Variants in SCUBE3 observed in about 807,000 individuals in gnomAD.
SCUBE3 encodes signal peptide, CUB and EGF-like domain-containing protein 3.
In SCUBE3, 33 loss-of-function variants were observed where a neutral mutation model predicts 116.8. The ratio of observed to expected loss-of-function variants is 0.28; its 90% CI spans 0.21 to 0.38. The LOEUF (loss-of-function observed/expected upper bound fraction) is 0.38, where lower values mean the gene tolerates loss of function less well. Among genes scored for constraint, SCUBE3 ranks in the 10% least tolerant of loss-of-function variants. SCUBE3 has a pLI of 1.00. For missense variants in SCUBE3, 1,007 were observed against 1,324.8 expected, an observed-to-expected ratio of 0.76 and a Z score of 3.72; for synonymous variants, 418 against 496.9, an observed-to-expected ratio of 0.84 and a Z score of 2.11.
rs1207603230 is a variant in SCUBE3, at chr6:35,241,713, G to GC, written c.1312+56dup. 95 of 1,508,332 alleles carry GC rather than the reference G, an allele frequency of 6.3e-5. No individual in the cohort carries two copies. Among genetic ancestry groups the GC allele is most frequent in the Admixed American group, 3.3e-5 (2 of 59,864 alleles). The allele number at this position is 1,508,332 out of a possible 1,614,324, so 93.4% of individuals were successfully genotyped here. A position where few individuals can be genotyped will look rare whatever the true frequency, so the allele number is the denominator to read the frequency against. ...TTGGAGGAGAAAAGAGGAAGGACTG[G>GC]CCGTTCAGGCAGCTCCTTCATTCCC... On this transcript the variant is annotated intron_variant, in intron 11 of 21. Transcript: ENST00000274938. The surrounding 1 kb of genome is among the most constrained non-coding windows in gnomAD (Gnocchi z 4.1).
At chr6:35,237,274 T>A (rs947509124) in intron 6 of SCUBE3, among the ~76,000 whole-genome samples, 2 of 151,906 alleles carry the variant, frequency 1.3e-5, no homozygotes, top group Admixed American at 1.3e-4. Context: ...TTGGGAGGAG[T>A]TGAAGGTAGA....
chr6:35,232,743 C>A lies in SCUBE3; in HGVS notation c.470-107C>A. ...TCAGTCCCCTCGTGTTGAATTCAAC[C>A]TCAGTAGAATTCTCCCAGTTCCCTA... On this transcript the variant is annotated intron_variant, in intron 4 of 21. Coordinates refer to ENST00000274938, the MANE Select transcript of SCUBE3 (RefSeq NM_152753.4). The surrounding 1 kb of genome is among the most constrained non-coding windows in gnomAD (Gnocchi z 4.2). 1.8e-6 allele frequency: 2 copies of A among 1,120,668 alleles called. No homozygotes were observed. Among genetic ancestry groups the A allele is most frequent in the Non-Finnish European group, 2.6e-6 (2 of 757,482 alleles). 69.4% of individuals were successfully genotyped at this position (1,120,668 alleles called of 1,614,324 possible). A position where few individuals can be genotyped will look rare whatever the true frequency, so the allele number is the denominator to read the frequency against.
At position 35,244,158 on chromosome 6, in the gene SCUBE3, G is replaced by A. The variant is rs1581951080; in HGVS notation, c.2239+28G>A. The A allele has an allele frequency of 1.9e-6, 3 of 1,595,838 alleles. No homozygotes were observed. The highest frequency in any genetic ancestry group is 2.6e-6 in the Non-Finnish European group (3 of 1,167,782). ...GAGTAAGCTACTCACCTCCCTGGGG[G>A]ATGCCCCAACCCCAACTACTCCCAA... On this transcript the variant is annotated intron_variant, in intron 17 of 21. Transcript: ENST00000274938. This position sits in a 1 kb window ranked among gnomAD's most constrained non-coding sequence, Gnocchi z 4.3.
rs758668784 is a variant in SCUBE3, at chr6:35,245,432, G to A, written c.2599+7G>A. 17 of 1,613,144 alleles carry A rather than the reference G, an allele frequency of 1.1e-5. No homozygotes were observed. The highest frequency in any genetic ancestry group is 1.4e-5 in the Non-Finnish European group (16 of 1,179,258). On this transcript the variant is annotated splice_region_variant and intron_variant, in intron 19 of 21. Coordinates refer to ENST00000274938, the MANE Select transcript of SCUBE3 (RefSeq NM_152753.4). The surrounding 1 kb of genome is among the most constrained non-coding windows in gnomAD (Gnocchi z 4.2). ...CTCGTCATGAGAAAGAACTGTGGGT[G>A]GCTTGCAGAGCTGGGCCAGGGAAGG...
rs1169376680 is a variant in SCUBE3 at position 35,228,307 on chromosome 6, A to G, written c.209-307A>G. ...GGGACTTATTCAAAGTAACAAAATA[A>G]TACATGGGAGAAGATGTTCTTTGAT... On this transcript the variant is annotated intron_variant, in intron 2 of 21. Transcript: ENST00000274938. This position sits in a 1 kb window ranked among gnomAD's most constrained non-coding sequence, Gnocchi z 4.9. Among the ~76,000 whole-genome samples, 2 of 152,242 alleles carry G rather than the reference A, an allele frequency of 1.3e-5. No individual in the cohort carries two copies. The highest frequency in any genetic ancestry group is 3.8e-4 in the East Asian group (2 of 5,202).
intron 2 of SCUBE3, 69 bp downstream of exon 2, chr6:35,227,771 G>A: frequency 1.3e-6 from 2 of 1,534,232 alleles, no homozygotes; most frequent in Non-Finnish European, 1.8e-6. Flanking sequence ...ACTGCCCTCA[G>A]TTGGCCACTC....
rs747984910 is a variant in SCUBE3, at chr6:35,242,689, C to G, written c.1602C>G (p.Gly534=). 4.3e-6 allele frequency: 7 copies of G among 1,614,154 alleles called. No homozygotes were observed. The South Asian group carries it at 7.7e-5, about 18-fold the overall frequency. ...IHLKCDSSRK[G]KGRRARTPPG... ...TTAAGTGTGACTCCTCTCGGAAGGG[C>G]AAGGGCCGACGGGCCCGGACCCCTC... Residue 534 remains glycine, a synonymous_variant, in exon 14 of 22, where the codon GGC becomes GGG. Transcript: ENST00000274938.
Position 35,239,978 on chromosome 6 carries a change from C to G in SCUBE3, c.952+104C>G. 9.8e-7 allele frequency: 1 copy of G among 1,018,690 alleles called. No individual in the cohort carries two copies. The highest frequency in any genetic ancestry group is 3.2e-5 in the Admixed American group (1 of 30,968). The allele number at this position is 1,018,690 out of a possible 1,614,324, so 63.1% of individuals were successfully genotyped here. On this transcript the variant is annotated intron_variant, in intron 8 of 21. Transcript: ENST00000274938. The surrounding 1 kb of genome is among the most constrained non-coding windows in gnomAD (Gnocchi z 4.1). ...TCTTAGAAACTCAATAGATATCACA[C>G]AGAGTCTCTAGAGGCAGTGTCATCC... is the stretch of plus-strand genomic sequence containing the variant.
chr6:35,217,345 AG>A (rs1416907489), intron 1 of SCUBE3, among the ~76,000 whole-genome samples: 1 of 148,738 alleles, frequency 6.7e-6, no homozygotes, highest in Non-Finnish European at 1.5e-5. Context: ...CTCGGCCTCC[AG>A]GGAAACTTGT....
At position 35,244,113 on chromosome 6, in the gene SCUBE3, A is replaced by G; in HGVS notation, c.2222A>G (p.Gln741Arg). 6.2e-7 allele frequency: 1 copy of G among 1,613,854 alleles called. No homozygotes were observed. The highest frequency in any genetic ancestry group is 8.5e-7 in the Non-Finnish European group (1 of 1,179,858). The change falls in exon 17 of 22, where the codon CAA becomes CGA. Residue 741 changes from glutamine (Q) to arginine (R), a missense_variant. Gln to Arg is a conservative substitution (Grantham distance 43). Transcript: ENST00000274938. This position sits in a 1 kb window ranked among gnomAD's most constrained non-coding sequence, Gnocchi z 4.3. ...AAGCATGAAGGGGCCATTTCCTTCC[A>G]AGACTGTGACACCAAAGGTGAGTAA... is the stretch of plus-strand genomic sequence containing the variant. ...TTKHEGAISF[Q>R]DCDTKVQCSP...
At chr6:35,242,945 C>G in intron 14 of SCUBE3, 76 bp from the exon 15 acceptor site, 1 of 1,532,326 alleles carries the variant, frequency 6.5e-7, no homozygotes, top group Non-Finnish European at 9.0e-7. Flanking sequence ...CCTCCTAGCT[C>G]CCAGCTTTGC....
intron 6 of SCUBE3, among the ~76,000 whole-genome samples, chr6:35,234,379 G>A (rs1194064974): frequency 6.6e-6 from 1 of 152,126 alleles, no homozygotes; most frequent in African/African-American, 2.4e-5. Context: ...GACTTTCCAG[G>A]GACCTGTCCC....
chr6:35,243,677 G>A lies in SCUBE3; in HGVS notation c.1993G>A (p.Gly665Arg), dbSNP rs1444449294. ...AGCGGGCACCTTCCAGGAGAGAGAA[G>A]GGCAGCTCTCCTGCGACCTTTGCCC... ...CPAGTFQEREGQLSCDLCPGS... is the reference protein window; with the variant it reads ...CPAGTFQERERQLSCDLCPGS... Residue 665 changes from glycine to arginine, a missense_variant, in exon 16 of 22, where the codon GGG becomes AGG. Gly to Arg is a moderately radical substitution (Grantham distance 125, BLOSUM62 -2). Coordinates refer to ENST00000274938, the MANE Select transcript of SCUBE3 (RefSeq NM_152753.4). This position sits in a 1 kb window ranked among gnomAD's most constrained non-coding sequence, Gnocchi z 6.6. The A allele has an allele frequency of 2.5e-6, 4 of 1,613,984 alleles. No individual in the cohort carries two copies. The highest frequency in any genetic ancestry group is 3.4e-6 in the Non-Finnish European group (4 of 1,179,852).
In SCUBE3 at chr6:35,241,441, C is replaced by G; in HGVS notation, c.1196-102C>G. On this transcript the variant is annotated intron_variant, in intron 10 of 21. Coordinates refer to ENST00000274938, the MANE Select transcript of SCUBE3 (RefSeq NM_152753.4). The surrounding 1 kb of genome is among the most constrained non-coding windows in gnomAD (Gnocchi z 4.1). ...TAGTAAACAATCCCATCATCAGTCTCCATGGGTACAACAATAGTTATGCAA... is the reference window on the plus strand; with the variant it reads ...TAGTAAACAATCCCATCATCAGTCTGCATGGGTACAACAATAGTTATGCAA... 1 of 1,109,430 alleles carries G rather than the reference C, an allele frequency of 9.0e-7. No individual in the cohort carries two copies. Among genetic ancestry groups the G allele is most frequent in the Non-Finnish European group, 1.4e-6 (1 of 729,258 alleles). 68.7% of individuals were successfully genotyped at this position (1,109,430 alleles called of 1,614,324 possible). A position where few individuals can be genotyped will look rare whatever the true frequency, so the allele number is the denominator to read the frequency against.
chr6:35,232,943 T>C lies in SCUBE3; in HGVS notation c.563T>C (p.Phe188Ser). ...ATTGCCTGTGAATGCCGTCCTGGCT[T>C]TGAGCTTACCAAGAACCAACGGGAC... ...GGIACECRPG[F>S]ELTKNQRDCK... The change falls in exon 5 of 22, where the codon TTT becomes TCT. Residue 188 changes from phenylalanine to serine, a missense_variant. Phe to Ser is a radical substitution (Grantham distance 155, BLOSUM62 -2). This residue lies in a region of SCUBE3 where 214 missense variants were observed against 316.7 expected (regional missense o/e 0.68). Transcript: ENST00000274938. This position sits in a 1 kb window ranked among gnomAD's most constrained non-coding sequence, Gnocchi z 4.2. 1 of 1,614,184 alleles carries C rather than the reference T, an allele frequency of 6.2e-7. No individual in the cohort carries two copies. Among genetic ancestry groups the C allele is most frequent in the Non-Finnish European group, 8.5e-7 (1 of 1,180,022 alleles).
At chr6:35,227,746 A>C in intron 2 of SCUBE3, 44 bp downstream of exon 2, 1 of 1,609,504 alleles carries the variant, frequency 6.2e-7, no homozygotes, top group Non-Finnish European at 8.5e-7. Context: ...CTGTGGAAGA[A>C]GGCAAACCAG....
chr6:35,235,946 A>C lies in SCUBE3; in HGVS notation c.713-1956A>C, dbSNP rs1399107013. On this transcript the variant is annotated intron_variant, in intron 6 of 21. Coordinates refer to ENST00000274938, the MANE Select transcript of SCUBE3 (RefSeq NM_152753.4). The surrounding 1 kb of genome is among the most constrained non-coding windows in gnomAD (Gnocchi z 4.5). ...CTTACCCACATTAGTTCACAGTCCCAGCATCACTCACCATTCTCTCCTACC... is the reference window on the plus strand; with the variant it reads ...CTTACCCACATTAGTTCACAGTCCCCGCATCACTCACCATTCTCTCCTACC... 6.6e-6 allele frequency among the ~76,000 whole-genome samples: 1 copy of C among 152,118 alleles called. No homozygotes were observed. The highest frequency in any genetic ancestry group is 2.4e-5 in the African/African-American group (1 of 41,424).
Position 35,219,718 on chromosome 6 carries a change from G to A in SCUBE3, c.85+5215G>A, listed in dbSNP as rs1161013814. 6.6e-6 allele frequency among the ~76,000 whole-genome samples: 1 copy of A among 152,168 alleles called. No homozygotes were observed. Among genetic ancestry groups the A allele is most frequent in the Non-Finnish European group, 1.5e-5 (1 of 68,022 alleles). On this transcript the variant is annotated intron_variant, in intron 1 of 21. Coordinates refer to ENST00000274938, the MANE Select transcript of SCUBE3 (RefSeq NM_152753.4). The surrounding 1 kb of genome is among the most constrained non-coding windows in gnomAD (Gnocchi z 4.7). The stretch of plus-strand genomic sequence containing the variant: ...GGCATTGGGGGGAGGGCTGGGGAAG[G>A]GGAGTGCTTGAAGGGTAGACCCTGG...
chr6:35,242,581 T>C (rs377495474), intron 13 of SCUBE3, 41 bp from the exon 14 acceptor site: 31 of 1,580,012 alleles, frequency 2.0e-5, no homozygotes, highest in African/African-American at 2.7e-5. Flanking sequence ...GTGAGAACTT[T>C]CCAGGGGATG....
Sources: gnomAD v4.1 joint callset for allele counts (sites outside exome capture counted in the v4.1 genomes callset) on GRCh38, gnomAD v4.1.1 for gene constraint, gnomAD v4.1.1 regional missense constraint, Gnocchi (gnomAD v3.1) non-coding constraint, MANE v1.5 for transcripts, NCBI Gene and HGNC (gene_info 2026-07-23, HGNC 2026-07-21) for gene names.